The following NRXN2 variants were observed in gnomAD, a reference collection of about 807,000 sequenced individuals.
NRXN2 encodes the protein neurexin 2.
Under a neutral mutation model 128.8 loss-of-function variants are expected in NRXN2, and 29 were observed. The ratio of observed to expected loss-of-function variants is 0.23; its 90% CI spans 0.17 to 0.31. NRXN2 has a LOEUF of 0.31. Ranked by LOEUF, NRXN2 falls within the 10% of genes least tolerant of loss-of-function variation. NRXN2 has a pLI of 1.00. For synonymous variants in NRXN2, 1,098 were observed against 1,075.2 expected, an observed-to-expected ratio of 1.02 and a Z score of -0.41; for missense variants, 1,881 against 2,452.6, an observed-to-expected ratio of 0.77 and a Z score of 4.92.
At chr11:64,612,384 C>T (rs1015828391) in intron 22 of NRXN2, among the ~76,000 whole-genome samples, 4 of 152,290 alleles carry the variant, frequency 2.6e-5, no homozygotes, top group East Asian at 1.9e-4. Context: ...GGCAGCCTCC[C>T]GCCTCTCCCC....
In NRXN2 at chr11:64,624,993, A is replaced by G. The variant is rs1019268751; in HGVS notation, c.3847+1470T>C. On this transcript the variant is annotated intron_variant, in intron 20 of 22. Coordinates refer to ENST00000265459, the MANE Select transcript of NRXN2 (RefSeq NM_015080.4). ...AACCATCACTGCCCCATCAGGAGAG[A>G]GCTGAGCCTCAGAAAGGGGAAGTAC... Among the ~76,000 whole-genome samples, 41 of 152,132 alleles carry G rather than the reference A, an allele frequency of 2.7e-4. 2 individuals carry two copies. Among genetic ancestry groups the G allele is most frequent in the African/African-American group, 9.9e-4 (41 of 41,424 alleles).
chr11:64,678,686 T>C (rs1348144163), intron 6 of NRXN2, among the ~76,000 whole-genome samples: 1 of 152,064 alleles, frequency 6.6e-6, no homozygotes, highest in Non-Finnish European at 1.5e-5. Context: ...TACCCCTGTC[T>C]TTGGGGAGGA....
intron 22 of NRXN2, among the ~76,000 whole-genome samples, 166 bp from the exon 23 acceptor site, chr11:64,608,248 C>T (rs1304842261): frequency 6.6e-6 from 1 of 152,206 alleles, no homozygotes; most frequent in East Asian, 1.9e-4. Context: ...CCGAGCACTG[C>T]GCTTTAAGCG....
At chr11:64,690,507 A>AG in intron 4 of NRXN2, 31 bp from the exon 5 acceptor site, 2 of 1,586,316 alleles carry the variant, frequency 1.3e-6, no homozygotes, top group Admixed American at 1.7e-5. Flanking sequence ...AGTCAGGCAC[A>AG]GGGGGTACCG....
chr11:64,661,243 G>A (rs1057183525), intron 9 of NRXN2, 104 bp from the exon 10 acceptor site: 5 of 1,576,380 alleles, frequency 3.2e-6, no homozygotes, highest in Non-Finnish European at 4.3e-6. Flanking sequence ...CCTCCACCTT[G>A]TGCCCTGCAG....
At chr11:64,620,207 G>T in intron 22 of NRXN2, 87 bp downstream of exon 22, 1 of 1,068,658 alleles carries the variant, frequency 9.4e-7, no homozygotes, top group Non-Finnish European at 1.4e-6. Context: ...AGGCCCTGGG[G>T]CTTGGGCCAG....
At position 64,615,851 on chromosome 11, in the gene NRXN2, T is replaced by C. The variant is rs1188831310; in HGVS notation, c.4252+4443A>G. Reference sequence around the variant, plus strand: ...AAGCGTGTGTGTGTGTGTGTGTGTGTGTGTGTGTGTGTGTGTGTATGTGTA... The same window carrying C: ...AAGCGTGTGTGTGTGTGTGTGTGTGCGTGTGTGTGTGTGTGTGTATGTGTA... On this transcript the variant is annotated intron_variant, in intron 22 of 22. Coordinates refer to ENST00000265459, the MANE Select transcript of NRXN2 (RefSeq NM_015080.4). Among the ~76,000 whole-genome samples the C allele has an allele frequency of 1.3e-4, 14 of 104,196 alleles. No homozygotes were observed. In the Admixed American group the frequency reaches 1.7e-3, roughly 13 times the overall value. 68.4% of individuals were successfully genotyped at this position (104,196 alleles called of 152,430 possible).
chr11:64,688,964 G>A (rs1457978423), intron 5 of NRXN2: 2 of 258,570 alleles, frequency 7.7e-6, no homozygotes, highest in South Asian at 1.4e-4. Flanking sequence ...GAGAGGAAAT[G>A]TGATGTGAGA....
intron 1 of NRXN2, among the ~76,000 whole-genome samples, chr11:64,718,168 GC>G (rs2057347329): frequency 1.3e-5 from 2 of 152,084 alleles, no homozygotes. Flanking sequence ...CTGACCAAAG[GC>G]CTCAGCCCTA....
chr11:64,679,403 C>G (rs559063250), intron 6 of NRXN2, among the ~76,000 whole-genome samples: 2 of 151,698 alleles, frequency 1.3e-5, no homozygotes, highest in Non-Finnish European at 2.9e-5. Flanking sequence ...TTTGGGAGGC[C>G]GAGGCAGGCG....
Position 64,648,842 on chromosome 11 carries a change from G to C in NRXN2, c.3175C>G (p.Arg1059Gly), listed in dbSNP as rs200881363. Residue 1059 changes from arginine (R) to glycine (G), a missense_variant, in exon 16 of 23, where the codon CGG (arginine) becomes GGG (glycine). Arg to Gly is a moderately radical substitution (Grantham distance 125). Coordinates refer to ENST00000265459, the MANE Select transcript of NRXN2 (RefSeq NM_015080.4). The surrounding 1 kb of genome is among the most constrained non-coding windows in gnomAD (Gnocchi z 4.1). ...FSNLPKLVAS[R>G]DGFQGCLASV... ...GCCAGGCAGCCCTGAAAGCCATCCCGGGAGGCCACCAGCTTGGGCAGGTTG... is the reference window on the plus strand; with the variant it reads ...GCCAGGCAGCCCTGAAAGCCATCCCCGGAGGCCACCAGCTTGGGCAGGTTG... 46 of 1,614,150 alleles carry C rather than the reference G, an allele frequency of 2.8e-5. 1 individual carries two copies. In the Admixed American group the frequency reaches 5.2e-4, roughly 18 times the overall value.
intron 3 of NRXN2, among the ~76,000 whole-genome samples, chr11:64,696,516 CACAT>C (rs1425885769): frequency 1.6e-5 from 2 of 123,406 alleles, no homozygotes; most frequent in Middle Eastern, 3.7e-3. Flanking sequence ...TACATACCCA[CACAT>C]ACATACATAC....
chr11:64,722,328 C>T (rs1241685040), intron 1 of NRXN2, among the ~76,000 whole-genome samples: 3 of 151,298 alleles, frequency 2.0e-5, no homozygotes, highest in African/African-American at 7.3e-5. Flanking sequence ...CCGCTCCTCT[C>T]CCTCAGACCC....
intron 2 of NRXN2, 114 bp from the exon 3 acceptor site, chr11:64,697,906 C>G: frequency 6.4e-6 from 8 of 1,259,490 alleles, no homozygotes; most frequent in Non-Finnish European, 9.1e-6. Flanking sequence ...CCAAGCCCAC[C>G]CAGGCCCTGA....
rs116044107 is a variant in NRXN2, at chr11:64,644,888, C to T, written c.3403+3331G>A. ...CTCCATTTGGGAGCAAAAACTGTCA[C>T]CACGAGCCCCATGTGCCACCCCCAG... On this transcript the variant is annotated intron_variant, in intron 17 of 22. Transcript: ENST00000265459. Among the ~76,000 whole-genome samples the T allele has an allele frequency of 8.3e-3, 1,261 of 152,208 alleles. 20 individuals carry two copies. Among genetic ancestry groups the T allele is most frequent in the African/African-American group, 0.029 (1,209 of 41,522 alleles).
At chr11:64,678,088 C>T (rs549296848) in intron 6 of NRXN2, among the ~76,000 whole-genome samples, 1 of 152,196 alleles carries the variant, frequency 6.6e-6, no homozygotes, top group African/African-American at 2.4e-5. Context: ...AGAGGGGCAG[C>T]TCCTCTGTTT....
At chr11:64,612,932 G>C (rs779033833) in intron 22 of NRXN2, among the ~76,000 whole-genome samples, 1 of 152,180 alleles carries the variant, frequency 6.6e-6, no homozygotes, top group African/African-American at 2.4e-5. Flanking sequence ...CAGTGGACAC[G>C]GTCCTGTTCT....
chr11:64,679,220 G>A (rs757734862), intron 6 of NRXN2, among the ~76,000 whole-genome samples: 20 of 152,174 alleles, frequency 1.3e-4, no homozygotes, highest in Non-Finnish European at 1.8e-4. Flanking sequence ...AAAAGGCATT[G>A]GAGGTAAAAA....
intron 5 of NRXN2, among the ~76,000 whole-genome samples, chr11:64,687,077 C>A (rs183987257): frequency 2.5e-4 from 38 of 152,354 alleles, no homozygotes; most frequent in Non-Finnish European, 4.4e-4. Flanking sequence ...CAGTGGCACA[C>A]AGCTGGCCCT....
Sources: allele counts gnomAD v4.1 joint callset (sites outside exome capture counted in the v4.1 genomes callset), GRCh38; gene constraint gnomAD v4.1.1; non-coding constraint Gnocchi (gnomAD v3.1); transcripts MANE v1.5; gene names NCBI Gene and HGNC (gene_info 2026-07-23, HGNC 2026-07-21).